Variants in FBXL13 observed in about 807,000 individuals in gnomAD.
FBXL13 encodes F-box and leucine-rich repeat protein 13.
A neutral mutation model predicts 83.6 loss-of-function variants in FBXL13; 67 were observed. The ratio of observed to expected loss-of-function variants is 0.80; its 90% CI spans 0.66 to 0.98. The LOEUF (loss-of-function observed/expected upper bound fraction) is 0.98, where lower values mean the gene tolerates loss of function less well. Among genes scored for constraint, FBXL13 ranks in the 50% least tolerant of loss-of-function variants. The probability of loss-of-function intolerance (pLI) is 0.00; values close to 1 mark genes in which losing one functional copy is unlikely to be tolerated. For synonymous variants in FBXL13, 272 were observed against 299.5 expected (o/e 0.91, Z 0.95); for missense variants, 822 against 866.5 (o/e 0.95, Z 0.64).
intron 2 of FBXL13, among the ~76,000 whole-genome samples, chr7:103,036,691 T>C (rs1268420093): frequency 6.6e-6 from 1 of 152,150 alleles, no homozygotes; most frequent in African/African-American, 2.4e-5. Context: ...TTTGTATTTT[T>C]AGTAGAAATG....
At chr7:102,820,215 G>A (rs1190674616) in intron 19 of FBXL13, among the ~76,000 whole-genome samples, 1 of 152,218 alleles carries the variant, frequency 6.6e-6, no homozygotes, top group East Asian at 1.9e-4. Context: ...AAAGGTAGTG[G>A]TGTGGCCTCT....
chr7:103,005,107 T>G (rs1239561625), intron 6 of FBXL13, among the ~76,000 whole-genome samples: 1 of 152,200 alleles, frequency 6.6e-6, no homozygotes, highest in Non-Finnish European at 1.5e-5. Flanking sequence ...TATACAGCTT[T>G]CTGTCAACTA....
At chr7:103,047,220 T>C (rs1355927958) in intron 2 of FBXL13, among the ~76,000 whole-genome samples, 1 of 152,214 alleles carries the variant, frequency 6.6e-6, no homozygotes, top group Non-Finnish European at 1.5e-5. Flanking sequence ...ATTTTTGAAA[T>C]GTATAAGTCA....
intron 18 of FBXL13, among the ~76,000 whole-genome samples, chr7:102,832,122 C>A (rs1800816659): frequency 6.6e-6 from 1 of 152,158 alleles, no homozygotes; most frequent in Non-Finnish European, 1.5e-5. Context: ...GGTGACAGGA[C>A]AATGGATATT....
chr7:102,937,918 T>A (rs1195426030), intron 8 of FBXL13, among the ~76,000 whole-genome samples: 1 of 152,220 alleles, frequency 6.6e-6, no homozygotes, highest in Non-Finnish European at 1.5e-5. Flanking sequence ...AGTTGAGACT[T>A]GCCCAGCTGA....
intron 11 of FBXL13, among the ~76,000 whole-genome samples, chr7:102,903,664 C>T (rs992566339): frequency 6.6e-6 from 1 of 151,650 alleles, no homozygotes; most frequent in African/African-American, 2.4e-5. Context: ...CTCTCCTGCT[C>T]CATAATGCTA....
intron 8 of FBXL13, among the ~76,000 whole-genome samples, chr7:102,938,689 C>A (rs952066455): frequency 6.6e-6 from 1 of 152,168 alleles, no homozygotes; most frequent in African/African-American, 2.4e-5. Context: ...TATTTATATA[C>A]TCTTTATCAA....
At chr7:103,019,521 C>T (rs1278985017) in intron 6 of FBXL13, among the ~76,000 whole-genome samples, 2 of 152,058 alleles carry the variant, frequency 1.3e-5, no homozygotes, top group East Asian at 3.9e-4. Flanking sequence ...TTCAAAAAAT[C>T]AATGAATCCA....
exon 4 of FBXL13, chr7:103,028,735 T>A (rs762043938): frequency 6.3e-7 from 1 of 1,584,446 alleles, no homozygotes. Flanking sequence ...GTACGAGCTA[T>A]GTCTCTCCAA....
At chr7:102,834,095 A>G (rs1213909172) in intron 17 of FBXL13, among the ~76,000 whole-genome samples, 2,941 of 94,914 alleles carry the variant, frequency 0.031, 112 homozygotes, top group African/African-American at 0.06. Context: ...GAAAAGAAAG[A>G]AAGAAAGAAA....
intron 1 of FBXL13, among the ~76,000 whole-genome samples, chr7:103,058,619 C>A (rs1201380005): frequency 5.3e-5 from 8 of 152,130 alleles, no homozygotes; most frequent in Admixed American, 5.2e-4. Context: ...TATTCTGGCA[C>A]CCTGAGGACA....
Position 102,842,975 on chromosome 7 carries a change from A to T in FBXL13, c.1720-10001T>A, listed in dbSNP as rs1455781062. On this transcript the variant is annotated intron_variant, in intron 17 of 19. Coordinates refer to ENST00000313221, the Ensembl canonical transcript of FBXL13. ...ATGAAGTAGCTTATGATTGTGCCAC[A>T]TGGCTGCCGCCCTTCCCAGTCCCTT... Among the ~76,000 whole-genome samples, 3 of 152,192 alleles carry T rather than the reference A, an allele frequency of 2.0e-5. 1 individual carries two copies. The highest frequency in any genetic ancestry group is 2.0e-4 in the Admixed American group (3 of 15,276).
intron 11 of FBXL13, among the ~76,000 whole-genome samples, chr7:102,893,532 C>T (rs575474222): frequency 3.3e-5 from 5 of 152,022 alleles, no homozygotes; most frequent in African/African-American, 4.8e-5. Context: ...TTTGGGAGGC[C>T]GAGACGGGCG....
At chr7:102,934,048 C>G in intron 8 of FBXL13, 2 of 1,614,032 alleles carry the variant, frequency 1.2e-6, no homozygotes, top group Non-Finnish European at 1.7e-6. Flanking sequence ...CCAACCCGGT[C>G]AAACGCTACG....
At position 102,910,932 on chromosome 7, in the gene FBXL13, G is replaced by T. The variant is rs570114112; in HGVS notation, c.1008+2154C>A. On this transcript the variant is annotated intron_variant, in intron 11 of 19. Transcript: ENST00000313221. ...CACCACCATGCCTGGCCAATTTTTTGCATTTCTGGTAGAGACGTGGGTCCC... is the reference window on the plus strand; with the variant it reads ...CACCACCATGCCTGGCCAATTTTTTTCATTTCTGGTAGAGACGTGGGTCCC... 1.6e-3 allele frequency among the ~76,000 whole-genome samples: 247 copies of T among 152,154 alleles called. 1 individual carries two copies. The highest frequency in any genetic ancestry group is 5.5e-3 in the African/African-American group (228 of 41,524).
chr7:103,035,689 C>G (rs189552094), intron 2 of FBXL13, among the ~76,000 whole-genome samples: 3 of 151,892 alleles, frequency 2.0e-5, no homozygotes, highest in Non-Finnish European at 4.4e-5. Flanking sequence ...CTGGTAAGAA[C>G]CAAATGTAAA....
At chr7:102,813,256 A>G (rs1025936800) in exon 20 of FBXL13, 4 of 1,207,084 alleles carry the variant, frequency 3.3e-6, no homozygotes, top group Admixed American at 4.7e-5. Flanking sequence ...ATTGTTATTG[A>G]GATTCAGCTA....
intron 6 of FBXL13, among the ~76,000 whole-genome samples, chr7:103,020,192 TC>T (rs1792965608): frequency 6.6e-6 from 1 of 152,086 alleles, no homozygotes. Context: ...ATAAACATAG[TC>T]CAGCATATAA....
At chr7:103,031,678 C>T (rs2129489436) in intron 2 of FBXL13, among the ~76,000 whole-genome samples, 1 of 152,210 alleles carries the variant, frequency 6.6e-6, no homozygotes, top group East Asian at 1.9e-4. Flanking sequence ...AGTCCAGGTA[C>T]ACTGAAAGGT....
Sources: gnomAD v4.1 joint callset for allele counts (sites outside exome capture counted in the v4.1 genomes callset) on GRCh38, gnomAD v4.1.1 for gene constraint, MANE v1.5 for transcripts, NCBI Gene and HGNC (gene_info 2026-07-23, HGNC 2026-07-21) for gene names.